NAAA: variants seen among roughly 807,000 people sequenced by gnomAD.
The protein encoded by NAAA is N-acylethanolamine acid amidase, also known as N-acylethanolamine-hydrolyzing acid amidase.
Under a neutral mutation model 44.8 loss-of-function variants are expected in NAAA, and 39 were observed. The observed-to-expected ratio is 0.87, with a 90% confidence interval of 0.67 to 1.14. NAAA has a LOEUF of 1.14. Among genes scored for constraint, NAAA ranks in the 50% most tolerant of loss-of-function variants. NAAA has a pLI of 0.00. For synonymous variants in NAAA, 178 were observed against 191.3 expected (o/e 0.93, Z 0.58); for missense variants, 460 against 467.8 (o/e 0.98, Z 0.15).
intron 10 of NAAA, 40 bp from the exon 11 acceptor site, chr4:75,914,378 A>ATT (rs112092179): frequency 1.6e-3 from 1,128 of 721,006 alleles, no homozygotes; most frequent in South Asian, 2.0e-3. Flanking sequence ...TCAAAGACTG[A>ATT]TTTTTTTTTT....
intron 4 of NAAA, among the ~76,000 whole-genome samples, chr4:75,927,742 C>T (rs1320941184): frequency 7.0e-6 from 1 of 143,132 alleles, no homozygotes; most frequent in Non-Finnish European, 1.5e-5. Flanking sequence ...CACACATGAT[C>T]GTGCATTTAT....
chr4:75,940,789 T>A lies in NAAA; in HGVS notation c.161A>T (p.His54Leu). The change falls in exon 1 of 11, where the codon CAC (histidine) becomes CTC (leucine). Residue 54 changes from histidine to leucine, a missense_variant. Transcript: ENST00000286733. ...GGCGCGCACCAAGTCCAAGTCGTAGTGCCGCAGCACGGGCAGCCAGCGCAG... is the reference window on the plus strand; with the variant it reads ...GGCGCGCACCAAGTCCAAGTCGTAGAGCCGCAGCACGGGCAGCCAGCGCAG... Reference protein sequence around the residue: ...PELRWLPVLRHYDLDLVRAAM... With the variant: ...PELRWLPVLRLYDLDLVRAAM... The A allele has an allele frequency of 1.3e-6, 2 of 1,599,024 alleles. No individual in the cohort carries two copies. Among genetic ancestry groups the A allele is most frequent in the Non-Finnish European group, 1.7e-6 (2 of 1,178,846 alleles).
At chr4:75,940,610 C>T (rs1488929760) in intron 1 of NAAA, 134 bp downstream of exon 1, 25 of 1,033,472 alleles carry the variant, frequency 2.4e-5, no homozygotes, top group Non-Finnish European at 3.2e-5. Flanking sequence ...CTGCTCAGGG[C>T]GGCAGCCAAA....
At chr4:75,933,363 A>C (rs1415236543) in intron 3 of NAAA, among the ~76,000 whole-genome samples, 3 of 152,058 alleles carry the variant, frequency 2.0e-5, no homozygotes, top group Admixed American at 1.3e-4. Flanking sequence ...TAGCTTTATA[A>C]ATGACCTCAG....
intron 9 of NAAA, among the ~76,000 whole-genome samples, chr4:75,915,734 G>C (rs974062893): frequency 1.3e-5 from 2 of 152,042 alleles, no homozygotes; most frequent in African/African-American, 2.4e-5. Flanking sequence ...TCCAGAGGAG[G>C]GCCTCTAAAG....
chr4:75,919,727 C>A, intron 8 of NAAA, 182 bp downstream of exon 8: 1 of 634,138 alleles, frequency 1.6e-6, no homozygotes, highest in East Asian at 2.8e-5. Flanking sequence ...ATCTGCCTGC[C>A]TAGGCCTCCC....
intron 3 of NAAA, among the ~76,000 whole-genome samples, chr4:75,933,324 C>T (rs2149278359): frequency 6.6e-6 from 1 of 151,864 alleles, no homozygotes. Context: ...TTTAAGGTGG[C>T]TGAATTACAA....
At chr4:75,929,295 G>A (rs948953659) in intron 4 of NAAA, among the ~76,000 whole-genome samples, 1 of 152,102 alleles carries the variant, frequency 6.6e-6, no homozygotes, top group South Asian at 2.1e-4. Flanking sequence ...TTCCTAGGGT[G>A]GCTTTGAGGC....
chr4:75,938,435 G>A (rs528434733), intron 2 of NAAA, among the ~76,000 whole-genome samples: 1 of 152,296 alleles, frequency 6.6e-6, no homozygotes, highest in East Asian at 1.9e-4. Context: ...GAAAAAGTTG[G>A]AGGTAGGAGA....
chr4:75,936,197 T>C lies in NAAA; in HGVS notation c.410A>G (p.His137Arg). The stretch of plus-strand genomic sequence containing the variant: ...ATCCAAATTCCGACCATGGTAAATG[T>C]GGCCTCTGGAGTCTTGAGCCACAAT... Reference protein sequence around the residue: ...TSIVAQDSRGHIYHGRNLDYP... With the variant: ...TSIVAQDSRGRIYHGRNLDYP... Residue 137 changes from histidine to arginine, a missense_variant, in exon 3 of 11, where the codon CAC becomes CGC. Transcript: ENST00000286733. 1.2e-6 allele frequency: 2 copies of C among 1,613,986 alleles called. No homozygotes were observed. The highest frequency in any genetic ancestry group is 1.7e-6 in the Non-Finnish European group (2 of 1,179,936).
In NAAA at chr4:75,914,286, G is replaced by A; in HGVS notation, c.*89C>T. ...TAACATAATACAATACTTTCACTTT[G>A]TCTTATTTTTTAAGGTGCAGCTCTT... On this transcript the variant is annotated 3_prime_UTR_variant, in exon 11 of 11. Coordinates refer to ENST00000286733, the MANE Select transcript of NAAA (RefSeq NM_014435.4). 2.0e-6 allele frequency: 2 copies of A among 985,014 alleles called. No homozygotes were observed. The highest frequency in any genetic ancestry group is 2.4e-6 in the Non-Finnish European group (2 of 829,636). 61.0% of individuals were successfully genotyped at this position (985,014 alleles called of 1,614,324 possible). A position where few individuals can be genotyped will look rare whatever the true frequency, so the allele number is the denominator to read the frequency against.
At chr4:75,913,042 T>G (rs1725393429), downstream of NAAA, among the ~76,000 whole-genome samples, 1 of 148,556 alleles carries the variant, frequency 6.7e-6, no homozygotes, top group East Asian at 1.9e-4. Flanking sequence ...AAAGGAAAAG[T>G]TAAGCCTGGG....
downstream of NAAA, among the ~76,000 whole-genome samples, chr4:75,912,857 C>G (rs1185423836): frequency 6.6e-6 from 1 of 152,020 alleles, no homozygotes; most frequent in Non-Finnish European, 1.5e-5. Flanking sequence ...TAAACTACTT[C>G]TCATATTTGA....
intron 5 of NAAA, among the ~76,000 whole-genome samples, chr4:75,922,807 G>T (rs1381046677): frequency 1.3e-5 from 2 of 152,178 alleles, no homozygotes; most frequent in African/African-American, 4.8e-5. Flanking sequence ...TAGGAGTGAT[G>T]AAATATTTGT....
chr4:75,937,153 G>T (rs1269572355), intron 2 of NAAA, among the ~76,000 whole-genome samples: 2 of 152,210 alleles, frequency 1.3e-5, no homozygotes, highest in Non-Finnish European at 2.9e-5. Context: ...GGGCACAGTG[G>T]CTCATGCCTG....
chr4:75,922,959 C>G (rs1726312754), intron 5 of NAAA, among the ~76,000 whole-genome samples: 2 of 150,908 alleles, frequency 1.3e-5, no homozygotes, highest in Admixed American at 6.6e-5. Flanking sequence ...TCAGGGAGTG[C>G]AAATGCATCT....
chr4:75,922,467 C>A (rs767441754), intron 5 of NAAA, among the ~76,000 whole-genome samples: 2 of 152,088 alleles, frequency 1.3e-5, no homozygotes, highest in Non-Finnish European at 2.9e-5. Flanking sequence ...TGCCCTGTAC[C>A]TGGAAGAAGG....
In NAAA at chr4:75,916,001, T is replaced by C. The variant is rs1052329208; in HGVS notation, c.999-1016A>G. 4.6e-5 allele frequency among the ~76,000 whole-genome samples: 7 copies of C among 152,210 alleles called. No individual in the cohort carries two copies. In the South Asian group the frequency reaches 1.0e-3, roughly 23 times the overall value. Reference sequence around the variant, plus strand: ...TCATACACCCAGTTAAAGACAGCACTGTAAGCAAGTGCAGAGCTCGTCCAA... The same window carrying C: ...TCATACACCCAGTTAAAGACAGCACCGTAAGCAAGTGCAGAGCTCGTCCAA... On this transcript the variant is annotated intron_variant, in intron 9 of 10. Transcript: ENST00000286733.
chr4:75,911,515 G>A (rs1326505859), downstream of NAAA, among the ~76,000 whole-genome samples: 1 of 152,174 alleles, frequency 6.6e-6, no homozygotes, highest in Non-Finnish European at 1.5e-5. Flanking sequence ...GGGGGCTAAG[G>A]AAGGGGGTTG....
Sources: allele counts gnomAD v4.1 joint callset (sites outside exome capture counted in the v4.1 genomes callset), GRCh38; gene constraint gnomAD v4.1.1; transcripts MANE v1.5; gene names NCBI Gene and HGNC (gene_info 2026-07-23, HGNC 2026-07-21).